Variants in DNAH9 observed in about 807,000 individuals in gnomAD.
DNAH9 encodes DNAH9 variant protein.
DNAH9 carries 345 observed loss-of-function variants against 471.6 expected under a neutral mutation model. That is an observed-to-expected ratio of 0.73 (90% CI 0.67 to 0.80). The LOEUF (loss-of-function observed/expected upper bound fraction) is 0.80. Among genes scored for constraint, DNAH9 ranks in the 30% least tolerant of loss-of-function variants. The probability of loss-of-function intolerance (pLI) is 0.00; values close to 1 mark genes in which losing one functional copy is unlikely to be tolerated. For missense variants in DNAH9, 5,407 were observed against 5,609.2 expected (o/e 0.96, Z 1.15); for synonymous variants, 2,093 against 2,123.6 (o/e 0.99, Z 0.40).
At chr17:11,824,884 C>T (rs1005093034) in intron 48 of DNAH9, among the ~76,000 whole-genome samples, 1 of 151,908 alleles carries the variant, frequency 6.6e-6, no homozygotes, top group Non-Finnish European at 1.5e-5. Flanking sequence ...TCTCCTTCTC[C>T]TTCTCCTCCT....
At chr17:11,811,407 C>G (rs975857590) in intron 45 of DNAH9, among the ~76,000 whole-genome samples, 1 of 152,196 alleles carries the variant, frequency 6.6e-6, no homozygotes, top group Non-Finnish European at 1.5e-5. Flanking sequence ...GACCTATTCT[C>G]TTGATGTAAG....
chr17:11,629,850 A>G (rs905992846), intron 7 of DNAH9, among the ~76,000 whole-genome samples: 1 of 152,202 alleles, frequency 6.6e-6, no homozygotes, highest in Admixed American at 6.5e-5. Flanking sequence ...CCAGGGTTTC[A>G]GAGATGCTGA....
rs1361125550 is a variant in DNAH9 at position 11,934,064 on chromosome 17, A to T, written c.12482A>T (p.Tyr4161Phe). The change falls in exon 65 of 69, where the codon TAT becomes TTT. Residue 4161 changes from tyrosine to phenylalanine, a missense_variant. Coordinates refer to ENST00000262442, the MANE Select transcript of DNAH9 (RefSeq NM_001372.4). ...PLPGNMDYNGYHQYIDAELPP... is the reference protein window; with the variant it reads ...PLPGNMDYNGFHQYIDAELPP... ...CCAGGCAACATGGACTACAATGGTT[A>T]TCATCAGGTGAGACTCTGCTCTGTG... The T allele has an allele frequency of 6.2e-7, 1 of 1,613,330 alleles. No individual in the cohort carries two copies. Among genetic ancestry groups the T allele is most frequent in the East Asian group, 2.2e-5 (1 of 44,884 alleles).
At chr17:11,879,451 T>C (rs56774694) in intron 53 of DNAH9, among the ~76,000 whole-genome samples, 1 of 152,276 alleles carries the variant, frequency 6.6e-6, no homozygotes, top group East Asian at 1.9e-4. Flanking sequence ...GTTTTACTGT[T>C]ATTCTTTGTT....
chr17:11,868,246 C>T (rs1972131272), intron 50 of DNAH9, among the ~76,000 whole-genome samples: 1 of 152,070 alleles, frequency 6.6e-6, no homozygotes, highest in Admixed American at 6.5e-5. Flanking sequence ...ATTGGATGGC[C>T]CACCACCTGC....
chr17:11,770,126 T>C (rs1396433039), intron 38 of DNAH9, among the ~76,000 whole-genome samples: 1 of 152,184 alleles, frequency 6.6e-6, no homozygotes, highest in Admixed American at 6.5e-5. Context: ...CACACCTAGA[T>C]ATGAGCTGTT....
chr17:11,951,643 G>A lies in DNAH9; in HGVS notation c.12843+9158G>A, dbSNP rs539653779. Among the ~76,000 whole-genome samples, 8 of 151,654 alleles carry A rather than the reference G, an allele frequency of 5.3e-5. No homozygotes were observed. In the South Asian group the frequency reaches 8.3e-4, roughly 16 times the overall value. On this transcript the variant is annotated intron_variant, in intron 67 of 68. Coordinates refer to ENST00000262442, the MANE Select transcript of DNAH9 (RefSeq NM_001372.4). ...TTGAGGGAAAAAAAATTAAAAATTC[G>A]GCCGGGTGTGGTGGCTCACACCTGT...
In DNAH9 at chr17:11,623,646, C is replaced by T. The variant is rs1353852191; in HGVS notation, c.1350+3865C>T. 3.3e-5 allele frequency among the ~76,000 whole-genome samples: 5 copies of T among 152,046 alleles called. No individual in the cohort carries two copies. Among genetic ancestry groups the T allele is most frequent in the Admixed American group, 1.3e-4 (2 of 15,252 alleles). On this transcript the variant is annotated intron_variant, in intron 6 of 68. Transcript: ENST00000262442. This position sits in a 1 kb window ranked among gnomAD's most constrained non-coding sequence, Gnocchi z 4.1. ...TTAATATTCTGTGTATCTCTGTGAT[C>T]GATGCCTGATTGAAATGGGATTAAT...
At chr17:11,798,090 C>T (rs1347810455) in intron 43 of DNAH9, among the ~76,000 whole-genome samples, 2 of 152,006 alleles carry the variant, frequency 1.3e-5, no homozygotes, top group African/African-American at 4.8e-5. Flanking sequence ...GGACCCAGAA[C>T]AGCTCAGGAC....
chr17:11,627,768 C>T (rs560799630), intron 6 of DNAH9, among the ~76,000 whole-genome samples: 6 of 152,282 alleles, frequency 3.9e-5, no homozygotes, highest in Admixed American at 1.3e-4. Flanking sequence ...CATGCCCAAA[C>T]ATACATAGCT....
At position 11,883,667 on chromosome 17, in the gene DNAH9, G is replaced by A. The variant is rs62639705; in HGVS notation, c.10888G>A (p.Ala3630Thr). Reference protein sequence around the residue: ...EDSLLSRLSSASGNFLGETVL... With the variant: ...EDSLLSRLSSTSGNFLGETVL... The stretch of plus-strand genomic sequence containing the variant: ...CAGTCTTCTCTCTCGCCTCTCCTCC[G>A]CCTCTGGGAACTTCCTGGGAGAAAC... Residue 3630 changes from alanine (A) to threonine (T), a missense_variant, in exon 56 of 69, where the codon GCC (alanine) becomes ACC (threonine). Ala to Thr is a moderately conservative substitution (Grantham distance 58). Transcript: ENST00000262442. 1.7e-5 allele frequency: 28 copies of A among 1,613,950 alleles called. No individual in the cohort carries two copies. Among genetic ancestry groups the A allele is most frequent in the Admixed American group, 6.7e-5 (4 of 59,978 alleles).
intron 59 of DNAH9, among the ~76,000 whole-genome samples, chr17:11,895,086 A>T (rs1470315266): frequency 1.3e-5 from 2 of 152,238 alleles, no homozygotes; most frequent in Non-Finnish European, 2.9e-5. Flanking sequence ...GAAGCCCAGA[A>T]CACAATTTTT....
At chr17:11,805,817 T>G (rs1206982029) in intron 43 of DNAH9, among the ~76,000 whole-genome samples, 2 of 152,092 alleles carry the variant, frequency 1.3e-5, no homozygotes, top group Non-Finnish European at 2.9e-5. Flanking sequence ...CTTCCCAAAG[T>G]GCTGGGATTA....
rs1166239992 is a variant in DNAH9, at chr17:11,852,909, AAAAG to A, written c.9508-1089_9508-1086del. On this transcript the variant is annotated intron_variant, in intron 49 of 68. Transcript: ENST00000262442. The stretch of plus-strand genomic sequence containing the variant: ...AAGTAGGATGTGTATATATATATAT[AAAAG>A]AAAGTATATACAAGAAATATATTTC... Among the ~76,000 whole-genome samples, 3 of 145,942 alleles carry A rather than the reference AAAAG, an allele frequency of 2.1e-5. No homozygotes were observed. The East Asian group carries it at 5.9e-4, about 29-fold the overall frequency.
At chr17:11,912,374 C>G (rs1973820258) in intron 61 of DNAH9, among the ~76,000 whole-genome samples, 1 of 152,060 alleles carries the variant, frequency 6.6e-6, no homozygotes, top group Non-Finnish European at 1.5e-5. Context: ...TTCAGACTTC[C>G]TTGTCTTGTT....
At chr17:11,955,337 GAA>G (rs922759285) in intron 67 of DNAH9, among the ~76,000 whole-genome samples, 13 of 140,470 alleles carry the variant, frequency 9.3e-5, no homozygotes, top group African/African-American at 3.1e-4. Context: ...CACTTTACAG[GAA>G]AAAAAAAAAA....
intron 59 of DNAH9, among the ~76,000 whole-genome samples, chr17:11,898,921 T>A (rs527888828): frequency 2.0e-5 from 3 of 152,354 alleles, no homozygotes; most frequent in African/African-American, 7.2e-5. Context: ...TTTTTTGTTT[T>A]GTTTTGTGGG....
At chr17:11,801,863 A>G (rs775972527) in intron 43 of DNAH9, among the ~76,000 whole-genome samples, 27 of 152,146 alleles carry the variant, frequency 1.8e-4, no homozygotes, top group Non-Finnish European at 3.4e-4. Flanking sequence ...GGCTTCCAAC[A>G]TGGGTGATCA....
At chr17:11,699,946 G>A (rs2074561912) in intron 23 of DNAH9, 63 bp downstream of exon 23, 24 of 1,552,856 alleles carry the variant, frequency 1.5e-5, no homozygotes, top group Non-Finnish European at 2.0e-5. Flanking sequence ...ATTCAAATAT[G>A]ATCAGCATCA....
Sources: gnomAD v4.1 joint callset for allele counts (sites outside exome capture counted in the v4.1 genomes callset) on GRCh38, gnomAD v4.1.1 for gene constraint, Gnocchi (gnomAD v3.1) non-coding constraint, MANE v1.5 for transcripts, NCBI Gene and HGNC (gene_info 2026-07-23, HGNC 2026-07-21) for gene names.